CACNA1E: variants seen among roughly 807,000 people sequenced by gnomAD.
The protein encoded by CACNA1E is voltage-dependent R-type calcium channel subunit alpha-1E.
In CACNA1E, 40 loss-of-function variants were observed where a neutral mutation model predicts 259.2. The ratio of observed to expected loss-of-function variants is 0.15; its 90% confidence interval spans 0.12 to 0.20. CACNA1E has a LOEUF of 0.20. Among genes scored for constraint, CACNA1E ranks in the 10% least tolerant of loss-of-function variants. The pLI is 1.00. For synonymous variants in CACNA1E, 1,104 were observed against 1,138.5 expected (o/e 0.97, Z 0.61); for missense variants, 1,874 against 3,040.1 (o/e 0.62, Z 9.02).
In CACNA1E at chr1:181,807,956, G is replaced by A. The variant is rs140655057; in HGVS notation, c.*9122G>A. ...TAATAAGTTGGTTTCTTGGGCAAAG[G>A]TTGGTTTGTAAGCCATTTACATGGA... is the stretch of plus-strand genomic sequence containing the variant. On this transcript the variant is annotated 3_prime_UTR_variant, in exon 48 of 48. Transcript: ENST00000367573. The A allele has an allele frequency of 5.5e-4, 83 of 152,228 alleles. No individual in the cohort carries two copies. Among genetic ancestry groups the A allele is most frequent in the African/African-American group, 2.0e-3 (82 of 41,550 alleles). The allele number at this position is 152,228 out of a possible 1,614,324, so 9.4% of individuals were successfully genotyped here.
intron 2 of CACNA1E, among the ~76,000 whole-genome samples, chr1:181,452,243 G>A (rs1661202226): frequency 6.6e-6 from 1 of 152,182 alleles, no homozygotes; most frequent in Admixed American, 6.5e-5. Flanking sequence ...CTTAGTAAAA[G>A]CAAATGCCTT....
At chr1:181,419,864 C>T (rs1376898876) in intron 2 of CACNA1E, among the ~76,000 whole-genome samples, 1 of 152,166 alleles carries the variant, frequency 6.6e-6, no homozygotes, top group Non-Finnish European at 1.5e-5. Context: ...TTCTCTGCCC[C>T]ACTTCAGGGC....
chr1:181,493,022 T>G (rs752234390), intron 1 of CACNA1E, among the ~76,000 whole-genome samples: 4 of 152,084 alleles, frequency 2.6e-5, no homozygotes, highest in Non-Finnish European at 4.4e-5. Flanking sequence ...CTTTTTGGAG[T>G]GTTGGGACCA....
chr1:181,690,732 G>A (rs1651065845), intron 7 of CACNA1E, among the ~76,000 whole-genome samples: 3 of 152,050 alleles, frequency 2.0e-5, no homozygotes, highest in South Asian at 4.1e-4. Context: ...TATTATTTTT[G>A]TAGTAATTGT....
At chr1:181,605,651 C>G (rs893142508) in intron 6 of CACNA1E, among the ~76,000 whole-genome samples, 1 of 152,186 alleles carries the variant, frequency 6.6e-6, no homozygotes, top group East Asian at 1.9e-4. Context: ...CTGACACCCC[C>G]CAGCAGCCCT....
chr1:181,469,836 G>T (rs1662378679), intron 2 of CACNA1E, among the ~76,000 whole-genome samples: 2 of 152,136 alleles, frequency 1.3e-5, no homozygotes. Context: ...ATAAGAATGT[G>T]TGCACACCCT....
At chr1:181,338,597 C>T (rs866619632) in intron 1 of CACNA1E, among the ~76,000 whole-genome samples, 103 of 150,732 alleles carry the variant, frequency 6.8e-4, no homozygotes, top group African/African-American at 2.5e-3. Flanking sequence ...TATTTTCTAC[C>T]AATAAGTAGG....
chr1:181,483,485 TTTTTTTTTCTTTTTTC>T, upstream of CACNA1E: 1 of 287,262 alleles, frequency 3.5e-6, no homozygotes, highest in Non-Finnish European at 6.3e-6. Context: ...TACCACCCGC[TTTTTTTTTCTTTTTTC>T]TTTTTTTTTT....
intron 1 of CACNA1E, among the ~76,000 whole-genome samples, chr1:181,412,331 G>A (rs550943675): frequency 6.6e-6 from 1 of 152,316 alleles, no homozygotes; most frequent in South Asian, 2.1e-4. Context: ...TAGCACTTTG[G>A]GAGGCTGAGT....
intron 46 of CACNA1E, among the ~76,000 whole-genome samples, chr1:181,795,245 G>A (rs1484081842): frequency 6.6e-6 from 1 of 152,148 alleles, no homozygotes; most frequent in Non-Finnish European, 1.5e-5. Flanking sequence ...TGTGTTCACC[G>A]GAAAAGCTGT....
At chr1:181,331,285 C>T (rs1651240494) in intron 1 of CACNA1E, among the ~76,000 whole-genome samples, 1 of 152,066 alleles carries the variant, frequency 6.6e-6, no homozygotes, top group East Asian at 1.9e-4. Flanking sequence ...ATTAGGGGAA[C>T]TGGCTTACGT....
At chr1:181,496,365 G>T (rs899975574) in intron 1 of CACNA1E, among the ~76,000 whole-genome samples, 43 of 152,120 alleles carry the variant, frequency 2.8e-4, no homozygotes, top group Non-Finnish European at 2.8e-4. Context: ...AACAAAAATG[G>T]TAGCAAAAAA....
intron 6 of CACNA1E, among the ~76,000 whole-genome samples, chr1:181,609,959 A>G (rs1162179852): frequency 6.6e-6 from 1 of 152,234 alleles, no homozygotes; most frequent in Non-Finnish European, 1.5e-5. Context: ...TTGCCAGGAC[A>G]GAGCACATCT....
chr1:181,547,255 A>T (rs1027350030), intron 3 of CACNA1E, among the ~76,000 whole-genome samples: 1 of 151,894 alleles, frequency 6.6e-6, no homozygotes. Flanking sequence ...CACCGATGCC[A>T]CCTTAACTCC....
chr1:181,611,191 G>A (rs145905815), intron 6 of CACNA1E, among the ~76,000 whole-genome samples: 62 of 152,154 alleles, frequency 4.1e-4, no homozygotes, highest in Middle Eastern at 3.4e-3. Context: ...AGAACCTTTC[G>A]TAAAATTCTC....
intron 1 of CACNA1E, among the ~76,000 whole-genome samples, chr1:181,402,733 T>C (rs1010256392): frequency 2.0e-5 from 3 of 152,130 alleles, no homozygotes; most frequent in African/African-American, 7.2e-5. Context: ...TGCACACACA[T>C]GTACATATGT....
At chr1:181,480,864 G>T (rs1663184644), upstream of CACNA1E, among the ~76,000 whole-genome samples, 1 of 152,170 alleles carries the variant, frequency 6.6e-6, no homozygotes, top group Non-Finnish European at 1.5e-5. Context: ...AGTATCCTCA[G>T]TGCCTAAAAC....
upstream of CACNA1E, among the ~76,000 whole-genome samples, chr1:181,478,956 C>T (rs1448683734): frequency 6.6e-6 from 1 of 152,178 alleles, no homozygotes; most frequent in African/African-American, 2.4e-5. Context: ...CTGATTGCAG[C>T]TCGATGATAC....
intron 7 of CACNA1E, among the ~76,000 whole-genome samples, chr1:181,666,772 TTACAG>T (rs1648277889): frequency 6.6e-6 from 1 of 151,924 alleles, no homozygotes; most frequent in South Asian, 2.1e-4. Context: ...ATATATGAAT[TTACAG>T]TATATATAAG....
Sources: gnomAD v4.1 joint callset for allele counts (sites outside exome capture counted in the v4.1 genomes callset) on GRCh38, gnomAD v4.1.1 for gene constraint, MANE v1.5 for transcripts, NCBI Gene and HGNC (gene_info 2026-07-23, HGNC 2026-07-21) for gene names.